The following TBC1D5 variants were observed in gnomAD, a reference collection of about 807,000 sequenced individuals.
The protein encoded by TBC1D5 is TBC1 domain family member 5, also known as TBC1 domain family, member 5.
A neutral mutation model predicts 100.3 loss-of-function variants in TBC1D5; 75 were observed. The observed-to-expected ratio is 0.75, with a 90% confidence interval of 0.62 to 0.91. TBC1D5 has a LOEUF of 0.91. Among genes scored for constraint, TBC1D5 ranks in the 40% least tolerant of loss-of-function variants. The probability of loss-of-function intolerance (pLI) is 0.00; values close to 1 mark genes in which losing one functional copy is unlikely to be tolerated. For synonymous variants in TBC1D5, 323 were observed against 325.6 expected, an observed-to-expected ratio of 0.99 and a Z score of 0.09; for missense variants, 910 against 942.4, an observed-to-expected ratio of 0.97 and a Z score of 0.45.
At chr3:17,209,100 C>A (rs2072616428) in intron 18 of TBC1D5, among the ~76,000 whole-genome samples, 1 of 152,160 alleles carries the variant, frequency 6.6e-6, no homozygotes. Context: ...ATTTTAAATT[C>A]TTTTACCCAT....
At position 17,614,950 on chromosome 3, in the gene TBC1D5, T is replaced by A. The variant is rs531404328; in HGVS notation, c.-36+8899A>T. ...ATAGGAGTGGTGAGAGATGGCATCC[T>A]TGTCTTGTGCTGGTTTTCAAAGGGA... is the stretch of plus-strand genomic sequence containing the variant. On this transcript the variant is annotated intron_variant, in intron 2 of 21. Coordinates refer to ENST00000253692, the Ensembl canonical transcript of TBC1D5. Among the ~76,000 whole-genome samples, 3 of 152,300 alleles carry A rather than the reference T, an allele frequency of 2.0e-5. No homozygotes were observed. The East Asian group carries it at 5.8e-4, about 29-fold the overall frequency.
chr3:17,411,806 A>T (rs1166197625), intron 4 of TBC1D5, among the ~76,000 whole-genome samples: 1 of 152,186 alleles, frequency 6.6e-6, no homozygotes, highest in Non-Finnish European at 1.5e-5. Flanking sequence ...AGGGAAAAGA[A>T]GACTGAGGCA....
At chr3:17,652,233 A>G (rs200716580) in intron 1 of TBC1D5, among the ~76,000 whole-genome samples, 3 of 152,174 alleles carry the variant, frequency 2.0e-5, no homozygotes, top group Admixed American at 6.5e-5. Context: ...CCATCTTATC[A>G]TAAGTTTCTA....
chr3:17,232,121 A>G (rs2075474012), intron 17 of TBC1D5, among the ~76,000 whole-genome samples: 1 of 152,206 alleles, frequency 6.6e-6, no homozygotes, highest in Admixed American at 6.6e-5. Context: ...TGAACAAAAC[A>G]ATATAACCTC....
At chr3:17,648,975 G>A (rs1366287071) in intron 1 of TBC1D5, among the ~76,000 whole-genome samples, 1 of 152,128 alleles carries the variant, frequency 6.6e-6, no homozygotes, top group African/African-American at 2.4e-5. Context: ...TCCCATTACT[G>A]GGTATATACC....
intron 15 of TBC1D5, among the ~76,000 whole-genome samples, chr3:17,269,044 G>T (rs2079108708): frequency 6.6e-6 from 1 of 152,146 alleles, no homozygotes; most frequent in African/African-American, 2.4e-5. Context: ...GCCATGCCAG[G>T]ATTTAACCCC....
At position 17,376,674 on chromosome 3, in the gene TBC1D5, T is replaced by C. The variant is rs183531119; in HGVS notation, c.613-61A>G. ...ATACTCAGAGTCCATTAGTGGACAG[T>C]ATAAACTCAGTTAAATACTTCTTCA... On this transcript the variant is annotated intron_variant, in intron 9 of 21. Transcript: ENST00000253692. The C allele has an allele frequency of 1.4e-4, 202 of 1,426,746 alleles. 2 individuals carry two copies. In the East Asian group the frequency reaches 1.9e-3, roughly 14 times the overall value. The allele number at this position is 1,426,746 out of a possible 1,614,324, so 88.4% of individuals were successfully genotyped here. A position where few individuals can be genotyped will look rare whatever the true frequency, so the allele number is the denominator to read the frequency against.
chr3:17,527,475 T>C (rs376547425), intron 2 of TBC1D5, among the ~76,000 whole-genome samples: 3 of 152,114 alleles, frequency 2.0e-5, no homozygotes, highest in African/African-American at 7.2e-5. Context: ...TGGAAAGCCA[T>C]TGGGAGCTTT....
At chr3:17,293,386 A>T (rs1270865418) in intron 14 of TBC1D5, among the ~76,000 whole-genome samples, 3 of 152,232 alleles carry the variant, frequency 2.0e-5, no homozygotes, top group Non-Finnish European at 4.4e-5. Context: ...TTAGTAATTG[A>T]CCAAGAAAGA....
intron 18 of TBC1D5, among the ~76,000 whole-genome samples, chr3:17,185,554 A>G (rs1047407855): frequency 3.3e-5 from 5 of 152,204 alleles, no homozygotes; most frequent in African/African-American, 4.8e-5. Flanking sequence ...GAGCAACACA[A>G]ATTAAGAGGG....
chr3:17,210,682 G>C (rs1466162559), intron 18 of TBC1D5, among the ~76,000 whole-genome samples: 1 of 151,910 alleles, frequency 6.6e-6, no homozygotes, highest in African/African-American at 2.4e-5. Flanking sequence ...GTTTTTTCTT[G>C]TGTGGGTCAG....
rs373147970 is a variant in TBC1D5 at position 17,274,092 on chromosome 3, CTGTT to C, written c.1246-15505_1246-15502del. On this transcript the variant is annotated intron_variant, in intron 15 of 21. Coordinates refer to ENST00000253692, the Ensembl canonical transcript of TBC1D5. ...GAATGCTCATATTACCTTTATTCCACTGTTTGTTTTCCCACATCAAAAGGAATAG... is the reference window on the plus strand; with the variant it reads ...GAATGCTCATATTACCTTTATTCCACTGTTTTCCCACATCAAAAGGAATAG... 2.8e-4 allele frequency among the ~76,000 whole-genome samples: 42 copies of C among 150,956 alleles called. No homozygotes were observed. The East Asian group carries it at 4.8e-3, about 17-fold the overall frequency.
chr3:17,578,072 T>G (rs1203129029), intron 2 of TBC1D5, among the ~76,000 whole-genome samples: 3 of 152,048 alleles, frequency 2.0e-5, no homozygotes, highest in African/African-American at 4.8e-5. Flanking sequence ...TATATGAAGG[T>G]AATGTAGGAA....
intron 2 of TBC1D5, among the ~76,000 whole-genome samples, chr3:17,525,795 T>C (rs2096127174): frequency 6.6e-6 from 1 of 151,924 alleles, no homozygotes; most frequent in Non-Finnish European, 1.5e-5. Context: ...TAACAAGTCT[T>C]GGTCAAGAAA....
At chr3:17,356,051 T>C (rs1283477396) in intron 13 of TBC1D5, among the ~76,000 whole-genome samples, 3 of 152,168 alleles carry the variant, frequency 2.0e-5, no homozygotes, top group African/African-American at 4.8e-5. Context: ...AGCACCAATA[T>C]GCTGGTTTTA....
chr3:17,580,260 C>G (rs2096685115), intron 2 of TBC1D5, among the ~76,000 whole-genome samples: 1 of 152,020 alleles, frequency 6.6e-6, no homozygotes, highest in Non-Finnish European at 1.5e-5. Flanking sequence ...TCATAAATGC[C>G]TACTGTATGC....
intron 2 of TBC1D5, among the ~76,000 whole-genome samples, chr3:17,585,459 C>T (rs73165740): frequency 6.6e-6 from 1 of 152,122 alleles, no homozygotes; most frequent in Non-Finnish European, 1.5e-5. Context: ...GATCTCAGTA[C>T]TTGTGCTTAT....
Position 17,374,466 on chromosome 3 carries a change from T to A in TBC1D5, c.822+5A>T, listed in dbSNP as rs1187572681. On this transcript the variant is annotated splice_donor_5th_base_variant and intron_variant, in intron 12 of 21. Coordinates refer to ENST00000253692, the Ensembl canonical transcript of TBC1D5. ...TACTGAAAAGATCTGTACTATAAGA[T>A]TTACCTTCTGACCATCATGCTCAAA... 2 of 1,609,860 alleles carry A rather than the reference T, an allele frequency of 1.2e-6. No homozygotes were observed. The highest frequency in any genetic ancestry group is 1.7e-6 in the Non-Finnish European group (2 of 1,177,834).
chr3:17,364,485 G>A (rs2151932674), intron 13 of TBC1D5, among the ~76,000 whole-genome samples: 1 of 152,250 alleles, frequency 6.6e-6, no homozygotes, highest in East Asian at 1.9e-4. Context: ...AATGTTTTAT[G>A]ACTATACAAG....
Sources: allele counts gnomAD v4.1 joint callset (sites outside exome capture counted in the v4.1 genomes callset), GRCh38; gene constraint gnomAD v4.1.1; transcripts MANE v1.5; gene names NCBI Gene and HGNC (gene_info 2026-07-23, HGNC 2026-07-21).